The following GJA9 variants were observed in gnomAD, a reference collection of about 807,000 sequenced individuals.
The protein encoded by GJA9 is gap junction protein alpha 9.
In GJA9, 1 loss-of-function variant was observed where a neutral mutation model predicts 0.4. That is an observed-to-expected ratio of 2.50 (90% CI 0.89 to 11.88). The LOEUF (loss-of-function observed/expected upper bound fraction) is 11.88, where lower values mean the gene tolerates loss of function less well. GJA9 is among the 30% of genes most tolerant of loss of function. The probability of loss-of-function intolerance (pLI) is 0.12; values close to 1 mark genes in which losing one functional copy is unlikely to be tolerated. For missense variants in GJA9, 550 were observed against 602.8 expected (o/e 0.91, Z 0.92); for synonymous variants, 190 against 219.1 (o/e 0.87, Z 1.17).
chr1:38,879,345 A>C (rs9439084), intron 1 of GJA9, among the ~76,000 whole-genome samples: 54,641 of 152,084 alleles, frequency 0.36, 10,994 homozygotes, highest in Non-Finnish European at 0.45. Context: ...ATATAAAGGG[A>C]ACTGTTACAC....
In GJA9 at chr1:38,875,314, T is replaced by C; in HGVS notation, c.785A>G (p.Gln262Arg). ...TGTGCTCTGGTATTTGGCTACATTT[T>C]GTTTTGCCTTGTTTGCATGGAATTC... ...HNEFHANKAK[Q>R]NVAKYQSTSA... is the part of the protein sequence containing the mutation. The change falls in exon 2 of 2, where the codon CAA becomes CGA. Residue 262 changes from glutamine to arginine, a missense_variant. By Grantham distance (43) the Gln-to-Arg change is conservative. Coordinates refer to ENST00000357771, the MANE Select transcript of GJA9 (RefSeq NM_030772.5). The C allele has an allele frequency of 6.2e-7, 1 of 1,614,236 alleles. No homozygotes were observed.
Position 38,876,150 on chromosome 1 carries a change from T to C in GJA9, c.-52A>G. 1 of 1,422,062 alleles carries C rather than the reference T, an allele frequency of 7.0e-7. No homozygotes were observed. Among genetic ancestry groups the C allele is most frequent in the Non-Finnish European group, 9.7e-7 (1 of 1,025,664 alleles). The allele number at this position is 1,422,062 out of a possible 1,614,324, so 88.1% of individuals were successfully genotyped here. ...TGATCCACATCAAATAAGAGGCAGA[T>C]AAATTCTTCCATTCTGAAGGGAGCA... On this transcript the variant is annotated 5_prime_UTR_variant, in exon 2 of 2. Coordinates refer to ENST00000357771, the MANE Select transcript of GJA9 (RefSeq NM_030772.5).
chr1:38,879,889 G>A (rs1364634825), intron 1 of GJA9, among the ~76,000 whole-genome samples: 1 of 151,746 alleles, frequency 6.6e-6, no homozygotes. Flanking sequence ...CACCACGCCC[G>A]GCTAATTTTT....
chr1:38,874,650 C>G lies in GJA9; in HGVS notation c.1449G>C (p.Leu483Phe). The change falls in exon 2 of 2, where the codon TTG becomes TTC. Residue 483 changes from leucine to phenylalanine, a missense_variant. Transcript: ENST00000357771. ...SLGGLSFEPG[L>F]VRTCNNPVCP... Reference sequence around the variant, plus strand: ...AAACAGGATTATTACAGGTTCTGACCAACCCTGGCTCAAAGGACAGCCCTC... The same window carrying G: ...AAACAGGATTATTACAGGTTCTGACGAACCCTGGCTCAAAGGACAGCCCTC... 1 of 1,614,146 alleles carries G rather than the reference C, an allele frequency of 6.2e-7. No individual in the cohort carries two copies. The highest frequency in any genetic ancestry group is 8.5e-7 in the Non-Finnish European group (1 of 1,180,014).
chr1:38,875,279 A>G lies in GJA9; in HGVS notation c.820T>C (p.Ser274Pro). The change falls in exon 2 of 2, where the codon TCA becomes CCA. Residue 274 changes from serine (S) to proline (P), a missense_variant. Ser to Pro is a moderately conservative substitution (Grantham distance 74). Transcript: ENST00000357771. ...GGGGCAGAAGGGAGTCGCTTCAGTG[A>G]ATTTGCAGATGTGCTCTGGTATTTG... ...VAKYQSTSAN[S>P]LKRLPSAPDY... The G allele has an allele frequency of 6.2e-7, 1 of 1,614,060 alleles. No homozygotes were observed. The highest frequency in any genetic ancestry group is 8.5e-7 in the Non-Finnish European group (1 of 1,179,946).
chr1:38,877,495 T>C (rs553858175), intron 1 of GJA9, among the ~76,000 whole-genome samples: 4 of 152,098 alleles, frequency 2.6e-5, no homozygotes, highest in African/African-American at 9.6e-5. Context: ...AGTGATTTTT[T>C]TTTCTTTCTT....
At chr1:38,880,696 C>A (rs1642682970) in intron 1 of GJA9, among the ~76,000 whole-genome samples, 1 of 151,382 alleles carries the variant, frequency 6.6e-6, no homozygotes, top group Non-Finnish European at 1.5e-5. Context: ...GCAGGAGAAT[C>A]GCTTGAACCT....
chr1:38,877,575 C>T (rs1345596886), intron 1 of GJA9, among the ~76,000 whole-genome samples: 3 of 151,988 alleles, frequency 2.0e-5, no homozygotes, highest in Non-Finnish European at 2.9e-5. Context: ...CGGCGCATTG[C>T]AACCTCCGCC....
chr1:38,881,304 A>T (rs1407125932), intron 1 of GJA9, 128 bp downstream of exon 1: 1 of 502,994 alleles, frequency 2.0e-6, no homozygotes, highest in African/African-American at 2.0e-5. Context: ...TACAAATTAA[A>T]GCTTTCATAG....
intron 1 of GJA9, among the ~76,000 whole-genome samples, chr1:38,880,416 T>A (rs12406214): frequency 0.42 from 12,166 of 28,742 alleles, 2,057 homozygotes; most frequent in Non-Finnish European, 0.54. Context: ...AAAAAATAAA[T>A]AATAATAATA....
Position 38,874,691 on chromosome 1 carries a change from T to A in GJA9, c.1408A>T (p.Thr470Ser). The A allele has an allele frequency of 6.2e-7, 1 of 1,614,148 alleles. No individual in the cohort carries two copies. Among genetic ancestry groups the A allele is most frequent in the Non-Finnish European group, 8.5e-7 (1 of 1,180,018 alleles). Residue 470 changes from threonine to serine, a missense_variant, in exon 2 of 2, where the codon ACT (threonine) becomes TCT (serine). Transcript: ENST00000357771. ...GDSQSLDIPN[T>S]ADSLGGLSFE... The stretch of plus-strand genomic sequence containing the variant: ...GACAGCCCTCCCAAAGAATCAGCAG[T>A]GTTTGGAATGTCAAGTGATTGAGAA...
chr1:38,881,324 TA>T (rs1642694007), intron 1 of GJA9, 107 bp downstream of exon 1: 1 of 527,910 alleles, frequency 1.9e-6, no homozygotes, highest in Non-Finnish European at 3.3e-6. Flanking sequence ...GCAAATGACA[TA>T]AAAACTGGTA....
intron 1 of GJA9, among the ~76,000 whole-genome samples, chr1:38,876,843 A>C (rs557350730): frequency 3.3e-5 from 5 of 151,830 alleles, no homozygotes; most frequent in Admixed American, 3.3e-4. Context: ...AAATACAAAA[A>C]TTAGCCAGGC....
chr1:38,874,873 A>G lies in GJA9; in HGVS notation c.1226T>C (p.Phe409Ser). ...CCAATCGCAGTTAGCTGGCAAGGAG[A>G]AAACTGTTTGGGGTGACTGCCTCAT... ...NNMRQSPQTVFSLPANCDWKP... is the reference protein window; with the variant it reads ...NNMRQSPQTVSSLPANCDWKP... Residue 409 changes from phenylalanine (F) to serine (S), a missense_variant, in exon 2 of 2, where the codon TTC becomes TCC. Phe to Ser is a radical substitution (Grantham distance 155). Transcript: ENST00000357771. The G allele has an allele frequency of 6.2e-7, 1 of 1,614,164 alleles. No individual in the cohort carries two copies. The highest frequency in any genetic ancestry group is 8.5e-7 in the Non-Finnish European group (1 of 1,180,034).
chr1:38,877,200 C>T (rs527776393), intron 1 of GJA9, among the ~76,000 whole-genome samples: 2 of 150,694 alleles, frequency 1.3e-5, no homozygotes, highest in South Asian at 2.1e-4. Context: ...CCACCATGCC[C>T]GGATAATTTT....
intron 1 of GJA9, among the ~76,000 whole-genome samples, chr1:38,879,271 A>T (rs1267577366): frequency 1.3e-5 from 2 of 152,202 alleles, no homozygotes; most frequent in Non-Finnish European, 2.9e-5. Flanking sequence ...CAAAGGAAAG[A>T]TTTTAAAAGT....
rs1186089966 is a variant in GJA9, at chr1:38,875,034, A to G, written c.1065T>C (p.His355=). Residue 355 remains histidine (H), a synonymous_variant, in exon 2 of 2, where the codon CAT becomes CAC. Transcript: ENST00000357771. ...CATTAAGTTCTTTTCCAAATATTTT[A>G]TGAGTGTCTTTGTTATTGTTTGAAC... is the stretch of plus-strand genomic sequence containing the variant. The part of the protein sequence containing the change: ...HISSNNNKDT[H]KIFGKELNGN... The G allele has an allele frequency of 6.2e-7, 1 of 1,613,988 alleles. No homozygotes were observed. Among genetic ancestry groups the G allele is most frequent in the Non-Finnish European group, 8.5e-7 (1 of 1,179,952 alleles).
At chr1:38,879,172 G>A (rs1160427554) in intron 1 of GJA9, among the ~76,000 whole-genome samples, 2 of 152,096 alleles carry the variant, frequency 1.3e-5, no homozygotes, top group Non-Finnish European at 1.5e-5. Flanking sequence ...GAAGCAGTGG[G>A]GCAAGTTATA....
chr1:38,876,593 T>G (rs916793928), intron 1 of GJA9, among the ~76,000 whole-genome samples: 2 of 152,120 alleles, frequency 1.3e-5, no homozygotes, highest in African/African-American at 4.8e-5. Flanking sequence ...GTGAATCTGT[T>G]ACCAATAATA....
Sources: gnomAD v4.1 joint callset for allele counts (sites outside exome capture counted in the v4.1 genomes callset) on GRCh38, gnomAD v4.1.1 for gene constraint, MANE v1.5 for transcripts, NCBI Gene and HGNC (gene_info 2026-07-23, HGNC 2026-07-21) for gene names.